DCLK2: variants seen among roughly 807,000 people sequenced by gnomAD.
DCLK2 encodes doublecortin like kinase 2.
Under a neutral mutation model 78.4 loss-of-function variants are expected in DCLK2, and 31 were observed. The ratio of observed to expected loss-of-function variants is 0.40; its 90% CI spans 0.30 to 0.53. DCLK2 has a LOEUF of 0.53. DCLK2 is among the 20% of genes least tolerant of loss of function. The pLI, the probability that DCLK2 is intolerant of heterozygous loss-of-function variation, is 0.61. For missense variants in DCLK2, 872 were observed against 973.7 expected, an observed-to-expected ratio of 0.90 and a Z score of 1.39; for synonymous variants, 407 against 374.9, an observed-to-expected ratio of 1.09 and a Z score of -0.99.
intron 2 of DCLK2, among the ~76,000 whole-genome samples, chr4:150,139,444 G>T (rs1410096182): frequency 6.6e-6 from 1 of 152,188 alleles, no homozygotes; most frequent in Non-Finnish European, 1.5e-5. Flanking sequence ...CCTTTAACTT[G>T]ATAGCCTGGA....
chr4:150,198,946 AC>A, intron 4 of DCLK2: 1 of 470,682 alleles, frequency 2.1e-6, no homozygotes, highest in South Asian at 2.0e-5. Context: ...AGGTCGTTTT[AC>A]CCTTTTGAAC....
chr4:150,136,244 T>C lies in DCLK2; in HGVS notation c.756+33432T>C, dbSNP rs74789467. ...CAGGAAGTTTGTAATCATGAAGATA[T>C]TTTATTTAAAGGATTTAGAAGTACG... On this transcript the variant is annotated intron_variant, in intron 2 of 15. Coordinates refer to ENST00000296550, the MANE Select transcript of DCLK2 (RefSeq NM_001040260.4). Among the ~76,000 whole-genome samples the C allele has an allele frequency of 6.4e-3, 971 of 152,326 alleles. 6 individuals carry two copies. The highest frequency in any genetic ancestry group is 0.011 in the Non-Finnish European group (781 of 68,032).
At chr4:150,094,451 C>T (rs1158213643) in intron 1 of DCLK2, among the ~76,000 whole-genome samples, 1 of 152,160 alleles carries the variant, frequency 6.6e-6, no homozygotes, top group Non-Finnish European at 1.5e-5. Flanking sequence ...CGCTTGGACT[C>T]TTGGTGTTTT....
intron 5 of DCLK2, among the ~76,000 whole-genome samples, chr4:150,215,348 A>G (rs1740613742): frequency 6.6e-6 from 1 of 152,110 alleles, no homozygotes; most frequent in African/African-American, 2.4e-5. Context: ...TTGAGGGCCC[A>G]TTCCCCAAAA....
At chr4:150,181,614 A>G (rs577984055) in intron 2 of DCLK2, among the ~76,000 whole-genome samples, 8 of 150,924 alleles carry the variant, frequency 5.3e-5, no homozygotes, top group Admixed American at 3.9e-4. Flanking sequence ...GGTTAGATCC[A>G]GTGTTTTTTT....
rs986642701 is a variant in DCLK2, at chr4:150,215,688, G to A, written c.1057-5015G>A. Among the ~76,000 whole-genome samples, 3 of 152,280 alleles carry A rather than the reference G, an allele frequency of 2.0e-5. No individual in the cohort carries two copies. In the East Asian group the frequency reaches 5.8e-4, roughly 29 times the overall value. ...CCTGTCTTTTTGGATTTTTATGGAG[G>A]CTTCATTACATAGGCATGATTGACA... On this transcript the variant is annotated intron_variant, in intron 5 of 15. Transcript: ENST00000296550.
rs59728799 is a variant in DCLK2, at chr4:150,113,697, CTT to C, written c.756+10896_756+10897del. Among the ~76,000 whole-genome samples the C allele has an allele frequency of 1.6e-3, 222 of 141,360 alleles. 1 individual carries two copies. The Middle Eastern group carries it at 0.045, about 29-fold the overall frequency. 92.7% of individuals were successfully genotyped at this position (141,360 alleles called of 152,430 possible). ...TTGTTTATCTTTGCAAAGAACCAAC[CTT>C]TTTTTTTTTTCATTGATCTTTTGTA... is the stretch of plus-strand genomic sequence containing the variant. On this transcript the variant is annotated intron_variant, in intron 2 of 15. Transcript: ENST00000296550.
At chr4:150,194,022 G>GACACAC (rs58179559) in intron 3 of DCLK2, among the ~76,000 whole-genome samples, 4,212 of 133,746 alleles carry the variant, frequency 0.031, 137 homozygotes, top group South Asian at 0.099. Context: ...AAAGTGCTGG[G>GACACAC]ACACACACAC....
rs1186588970 is a variant in DCLK2 at position 150,198,021 on chromosome 4, A to G, written c.879A>G (p.Ser293=). The G allele has an allele frequency of 2.5e-6, 4 of 1,613,424 alleles. No individual in the cohort carries two copies. The highest frequency in any genetic ancestry group is 1.1e-5 in the South Asian group (1 of 90,890). Residue 293 remains serine (S), a synonymous_variant, in exon 4 of 16, where the codon TCA becomes TCG. Transcript: ENST00000296550. The stretch of plus-strand genomic sequence containing the variant: ...TTCTAGAATGTCGTGTCCTGAAGTC[A>G]TCTTATTCTCGATCCTCAGCTGTTA... ...LDHSECRVLK[S]SYSRSSAVKY... is the part of the protein sequence containing the mutation.
intron 2 of DCLK2, among the ~76,000 whole-genome samples, chr4:150,125,751 C>T (rs927718091): frequency 1.6e-4 from 25 of 151,978 alleles, no homozygotes; most frequent in African/African-American, 5.5e-4. Flanking sequence ...ATTAGCTGGG[C>T]GTGGTGGCAT....
chr4:150,149,256 C>T (rs1560813254), intron 2 of DCLK2, among the ~76,000 whole-genome samples: 1 of 151,576 alleles, frequency 6.6e-6, no homozygotes, highest in East Asian at 1.9e-4. Flanking sequence ...TGGAGCTTTT[C>T]CAAATAATTT....
At chr4:150,123,794 C>T (rs1334589896) in intron 2 of DCLK2, among the ~76,000 whole-genome samples, 1 of 152,120 alleles carries the variant, frequency 6.6e-6, no homozygotes, top group African/African-American at 2.4e-5. Context: ...GTAATCCCAG[C>T]ACTTCGGGAG....
At chr4:150,121,284 A>G (rs180853116) in intron 2 of DCLK2, among the ~76,000 whole-genome samples, 5 of 104,580 alleles carry the variant, frequency 4.8e-5, no homozygotes, top group Admixed American at 9.7e-5. Context: ...AAATTTGTCA[A>G]TCCTTCCAAG....
intron 6 of DCLK2, 78 bp from the exon 7 acceptor site, chr4:150,221,599 T>A: frequency 1.1e-6 from 1 of 884,380 alleles, no homozygotes. Flanking sequence ...GCATCGCAGT[T>A]TACTATTTTA....
rs1195457273 is a variant in DCLK2, at chr4:150,256,186, ACCCT to A, written c.2243_2246del (p.Pro748LeufsTer151). 1 of 1,226,844 alleles carries A rather than the reference ACCCT, an allele frequency of 8.2e-7. No homozygotes were observed. Among genetic ancestry groups the A allele is most frequent in the Admixed American group, 3.1e-5 (1 of 32,330 alleles). 76.0% of individuals were successfully genotyped at this position (1,226,844 alleles called of 1,614,324 possible). ...ACCCCTCCGGAATCTCCCACCCCCC[ACCCT>A]CCTCCCGCTGCCCCGGGTGGTGAGC... On this transcript the variant is annotated frameshift_variant, in exon 16 of 16. Coordinates refer to ENST00000296550, the MANE Select transcript of DCLK2 (RefSeq NM_001040260.4). LOFTEE classifies it high-confidence loss of function.
intron 2 of DCLK2, among the ~76,000 whole-genome samples, chr4:150,129,954 A>G (rs1733182887): frequency 6.6e-6 from 1 of 152,006 alleles, no homozygotes; most frequent in Admixed American, 6.5e-5. Flanking sequence ...TATTTAGGCG[A>G]ATTTGGTGAC....
rs184140329 is a variant in DCLK2, at chr4:150,249,422, T to C, written c.1957-146T>C. The C allele has an allele frequency of 5.9e-6, 4 of 681,064 alleles. No individual in the cohort carries two copies. In the East Asian group the frequency reaches 1.0e-4, roughly 17 times the overall value. The allele number at this position is 681,064 out of a possible 1,614,324, so 42.2% of individuals were successfully genotyped here. A position where few individuals can be genotyped will look rare whatever the true frequency, so the allele number is the denominator to read the frequency against. On this transcript the variant is annotated intron_variant, in intron 14 of 15. Transcript: ENST00000296550. ...ACAATAGTTATTTTTGAAAGATCATTGTTTCCCTAATTCTGTGGCTAAGAG... is the reference window on the plus strand; with the variant it reads ...ACAATAGTTATTTTTGAAAGATCATCGTTTCCCTAATTCTGTGGCTAAGAG...
chr4:150,086,714 G>A (rs1450548063), intron 1 of DCLK2, among the ~76,000 whole-genome samples: 8 of 152,048 alleles, frequency 5.3e-5, no homozygotes, highest in Admixed American at 3.3e-4. Context: ...CACCGTGTTA[G>A]CCAGGATGGT....
intron 2 of DCLK2, among the ~76,000 whole-genome samples, chr4:150,131,566 G>A (rs1733315641): frequency 6.6e-6 from 1 of 152,218 alleles, no homozygotes; most frequent in East Asian, 1.9e-4. Flanking sequence ...AAAATATCTT[G>A]TAAGAAAATA....
Sources: allele counts gnomAD v4.1 joint callset (sites outside exome capture counted in the v4.1 genomes callset), GRCh38; gene constraint gnomAD v4.1.1; transcripts MANE v1.5; gene names NCBI Gene and HGNC (gene_info 2026-07-23, HGNC 2026-07-21).